Variants in RASAL2 observed in about 807,000 individuals in gnomAD.
RASAL2 encodes ras GTPase-activating protein nGAP.
In RASAL2, 58 loss-of-function variants were observed where a neutral mutation model predicts 128.9. That is an observed-to-expected ratio of 0.45 (90% confidence interval 0.36 to 0.56). The LOEUF (loss-of-function observed/expected upper bound fraction) is 0.56. Among genes scored for constraint, RASAL2 ranks in the 20% least tolerant of loss-of-function variants. RASAL2 has a pLI of 0.00. For synonymous variants in RASAL2, 561 were observed against 580.8 expected (o/e 0.97, Z 0.49); for missense variants, 1,360 against 1,601.6 (o/e 0.85, Z 2.57).
intron 3 of RASAL2, among the ~76,000 whole-genome samples, chr1:178,323,453 G>A (rs747111996): frequency 3.9e-5 from 6 of 152,220 alleles, no homozygotes; most frequent in African/African-American, 7.2e-5. Context: ...AGAGAAAATC[G>A]TTTAGTAATG....
intron 4 of RASAL2, among the ~76,000 whole-genome samples, chr1:178,401,545 G>GCAAGAGGTTCACT: frequency 6.6e-6 from 1 of 152,288 alleles, no homozygotes; most frequent in East Asian, 1.9e-4. Flanking sequence ...GGAGCCTGAG[G>GCAAGAGGTTCACT]CAAGAGGTTC....
At chr1:178,370,329 C>T (rs1671628840) in intron 3 of RASAL2, among the ~76,000 whole-genome samples, 1 of 152,168 alleles carries the variant, frequency 6.6e-6, no homozygotes, top group Non-Finnish European at 1.5e-5. Flanking sequence ...CTGTAGGCTA[C>T]TGATGTCCAA....
intron 3 of RASAL2, among the ~76,000 whole-genome samples, chr1:178,373,516 G>A (rs1028519466): frequency 1.3e-4 from 19 of 151,692 alleles, no homozygotes; most frequent in Non-Finnish European, 2.7e-4. Flanking sequence ...AGAAACATCA[G>A]TGAAGAAACA....
At chr1:178,417,360 G>A (rs1674826221) in intron 4 of RASAL2, among the ~76,000 whole-genome samples, 1 of 152,114 alleles carries the variant, frequency 6.6e-6, no homozygotes, top group Non-Finnish European at 1.5e-5. Flanking sequence ...CAGAGTTTGT[G>A]TTTATCTTTG....
chr1:178,105,166 T>A lies in RASAL2; in HGVS notation c.202+10472T>A, dbSNP rs983652463. 2.0e-5 allele frequency among the ~76,000 whole-genome samples: 3 copies of A among 152,314 alleles called. No homozygotes were observed. In the South Asian group the frequency reaches 6.2e-4, roughly 32 times the overall value. ...GGTATGTTCTGAGGAAAGTTTTTCA[T>A]AATGTTAAACAAAGCCAAATCCAAG... On this transcript the variant is annotated intron_variant, in intron 1 of 17. Coordinates refer to ENST00000367649, the MANE Select transcript of RASAL2 (RefSeq NM_170692.4).
intron 1 of RASAL2, among the ~76,000 whole-genome samples, chr1:178,204,379 G>C (rs892112332): frequency 1.3e-5 from 2 of 152,188 alleles, no homozygotes; most frequent in Admixed American, 1.3e-4. Flanking sequence ...ATACACACCA[G>C]GAGGTTCATG....
intron 12 of RASAL2, chr1:178,456,424 G>A: frequency 2.2e-6 from 1 of 458,222 alleles, no homozygotes; most frequent in Non-Finnish European, 4.0e-6. Context: ...AGTTGGAATG[G>A]CATTAGTTTG....
chr1:178,250,728 A>G (rs574237602), intron 1 of RASAL2, among the ~76,000 whole-genome samples: 1 of 152,312 alleles, frequency 6.6e-6, no homozygotes, highest in Non-Finnish European at 1.5e-5. Context: ...ATTTCTTTAT[A>G]AAAGTTTACA....
chr1:178,146,498 G>T (rs908487415), intron 1 of RASAL2, among the ~76,000 whole-genome samples: 2 of 152,132 alleles, frequency 1.3e-5, no homozygotes, highest in Non-Finnish European at 2.9e-5. Flanking sequence ...TACTGGTTGC[G>T]GCCATTTTTG....
intron 5 of RASAL2, among the ~76,000 whole-genome samples, chr1:178,432,244 A>G (rs1675961786): frequency 6.6e-6 from 1 of 151,808 alleles, no homozygotes; most frequent in Non-Finnish European, 1.5e-5. Flanking sequence ...TCACTTCCTC[A>G]TATTTCATTC....
chr1:178,217,782 A>C (rs1663474007), intron 1 of RASAL2, among the ~76,000 whole-genome samples: 1 of 152,190 alleles, frequency 6.6e-6, no homozygotes, highest in Non-Finnish European at 1.5e-5. Context: ...CTGGTTGCTG[A>C]ACATGGGGAT....
chr1:178,235,088 A>G (rs998575377), intron 1 of RASAL2, among the ~76,000 whole-genome samples: 3 of 152,200 alleles, frequency 2.0e-5, no homozygotes, highest in African/African-American at 7.2e-5. Context: ...TGCCTCTATT[A>G]ACATTCCATT....
At chr1:178,237,257 T>C (rs1664293346) in intron 1 of RASAL2, among the ~76,000 whole-genome samples, 1 of 152,048 alleles carries the variant, frequency 6.6e-6, no homozygotes, top group African/African-American at 2.4e-5. Flanking sequence ...GGGGCCCACT[T>C]TGAACACATG....
At chr1:178,127,368 G>A (rs981052614) in intron 1 of RASAL2, among the ~76,000 whole-genome samples, 1 of 152,244 alleles carries the variant, frequency 6.6e-6, no homozygotes, top group Admixed American at 6.5e-5. Context: ...AAATAGAAGC[G>A]TTTAAAGGCA....
At chr1:178,237,618 C>G (rs1664312021) in intron 1 of RASAL2, among the ~76,000 whole-genome samples, 1 of 152,172 alleles carries the variant, frequency 6.6e-6, no homozygotes, top group Non-Finnish European at 1.5e-5. Flanking sequence ...CTTGCATACA[C>G]ACCTTATTTA....
chr1:178,364,534 C>T (rs1201720022), intron 3 of RASAL2, among the ~76,000 whole-genome samples: 1 of 152,128 alleles, frequency 6.6e-6, no homozygotes, highest in African/African-American at 2.4e-5. Context: ...ATTGTAAATG[C>T]AGAATACATT....
chr1:178,120,746 C>A (rs943290493), intron 1 of RASAL2, among the ~76,000 whole-genome samples: 3 of 152,252 alleles, frequency 2.0e-5, no homozygotes, highest in Non-Finnish European at 4.4e-5. Flanking sequence ...ACCTCAGCTC[C>A]ACCTCAGATC....
intron 1 of RASAL2, among the ~76,000 whole-genome samples, chr1:178,240,705 A>G (rs868310266): frequency 6.6e-6 from 1 of 151,780 alleles, no homozygotes; most frequent in Admixed American, 6.6e-5. Context: ...TATAATTGTA[A>G]CTATATACTA....
At chr1:178,213,291 G>A (rs1157325087) in intron 1 of RASAL2, among the ~76,000 whole-genome samples, 3 of 152,092 alleles carry the variant, frequency 2.0e-5, no homozygotes, top group Non-Finnish European at 2.9e-5. Flanking sequence ...CGATTCTCCT[G>A]CCTCGGCTTC....
Sources: allele counts gnomAD v4.1 joint callset (sites outside exome capture counted in the v4.1 genomes callset), GRCh38; gene constraint gnomAD v4.1.1; transcripts MANE v1.5; gene names NCBI Gene and HGNC (gene_info 2026-07-23, HGNC 2026-07-21).